Variants in PCDH15 observed in about 807,000 individuals in gnomAD.
The protein encoded by PCDH15 is protocadherin related 15.
In PCDH15, 129 loss-of-function variants were observed where a neutral mutation model predicts 178.5. The ratio of observed to expected loss-of-function variants is 0.72; its 90% CI spans 0.63 to 0.84. PCDH15 has a LOEUF of 0.84. Ranked by LOEUF, PCDH15 falls within the 40% of genes least tolerant of loss-of-function variation. PCDH15 has a pLI of 0.00. For missense variants in PCDH15, 2,230 were observed against 2,099.9 expected (o/e 1.06, Z -1.21); for synonymous variants, 800 against 732.0 (o/e 1.09, Z -1.50).
At position 54,023,040 on chromosome 10, in the gene PCDH15, T is replaced by C; in HGVS notation, c.2378A>G (p.Asp793Gly). The change falls in exon 19 of 38, where the codon GAT becomes GGT. Residue 793 changes from aspartate (D) to glycine (G), a missense_variant. By Grantham distance (94) the Asp-to-Gly change is moderately conservative. Transcript: ENST00000644397. ...TGAATGACGAGGGTGTACTGCTCCA[T>C]CTGTTGCCACAACAACAAGTTCATA... ...DYYELVVVAT[D>G]GAVHPRHSTL... The C allele has an allele frequency of 6.2e-7, 1 of 1,613,956 alleles. No individual in the cohort carries two copies. The highest frequency in any genetic ancestry group is 8.5e-7 in the Non-Finnish European group (1 of 1,179,892).
chr10:54,294,016 C>T (rs2059590402), intron 8 of PCDH15, among the ~76,000 whole-genome samples: 1 of 152,112 alleles, frequency 6.6e-6, no homozygotes, highest in Admixed American at 6.5e-5. Context: ...GACACATGCA[C>T]ACGTATGTTT....
chr10:55,504,717 G>C (rs1840725601), intron 2 of PCDH15, among the ~76,000 whole-genome samples: 1 of 150,976 alleles, frequency 6.6e-6, no homozygotes, highest in Admixed American at 6.6e-5. Flanking sequence ...ATTACATCAG[G>C]TAATATTTTC....
intron 3 of PCDH15, among the ~76,000 whole-genome samples, chr10:54,851,623 C>G (rs1272588439): frequency 6.6e-6 from 1 of 152,088 alleles, no homozygotes; most frequent in Non-Finnish European, 1.5e-5. Context: ...GAAATGGAGT[C>G]TCCCTTTGTC....
intron 26 of PCDH15, among the ~76,000 whole-genome samples, chr10:53,879,726 T>C (rs1026917120): frequency 3.9e-5 from 6 of 152,214 alleles, no homozygotes; most frequent in African/African-American, 1.4e-4. Flanking sequence ...TGCCTCAGCC[T>C]CTCGAGTACC....
intron 2 of PCDH15, among the ~76,000 whole-genome samples, chr10:55,057,219 T>C (rs1020617606): frequency 2.0e-5 from 3 of 152,160 alleles, no homozygotes; most frequent in Non-Finnish European, 4.4e-5. Context: ...TATCATTTGG[T>C]CTTTAATCTT....
intron 3 of PCDH15, among the ~76,000 whole-genome samples, chr10:54,486,801 G>C (rs1360314563): frequency 6.6e-6 from 1 of 151,844 alleles, no homozygotes; most frequent in African/African-American, 2.4e-5. Flanking sequence ...AGCATCTTTG[G>C]GGGAACAGGG....
intron 25 of PCDH15, among the ~76,000 whole-genome samples, chr10:53,928,047 T>C (rs2084721776): frequency 6.6e-6 from 1 of 152,046 alleles, no homozygotes; most frequent in Admixed American, 6.6e-5. Flanking sequence ...TCCTTGAGGT[T>C]AAGTGAAAAG....
chr10:54,334,696 C>CACACAG (rs1940675983), intron 6 of PCDH15, among the ~76,000 whole-genome samples: 1 of 148,548 alleles, frequency 6.7e-6, no homozygotes, highest in South Asian at 2.1e-4. Context: ...CACACACACA[C>CACACAG]ACACACACAC....
At chr10:54,316,527 TATACACACACACACACAC>T (rs1391841036) in intron 8 of PCDH15, among the ~76,000 whole-genome samples, 233 of 128,240 alleles carry the variant, frequency 1.8e-3, no homozygotes, top group African/African-American at 7.0e-3. Flanking sequence ...AGAATATGTG[TATACACACACACACACAC>T]ACACACACAC....
rs548826344 is a variant in PCDH15 at position 54,700,274 on chromosome 10, C to T, written c.-28-35984G>A. On this transcript the variant is annotated intron_variant, in intron 1 of 37. Coordinates refer to ENST00000644397, the MANE Select transcript of PCDH15 (RefSeq NM_001384140.1). ...ATCTGCCCACACAGATTAGAATGTA[C>T]CAGCATGAGAACTCTGGACGCTAAA... Among the ~76,000 whole-genome samples, 84 of 152,190 alleles carry T rather than the reference C, an allele frequency of 5.5e-4. No individual in the cohort carries two copies. In the South Asian group the frequency reaches 0.01, roughly 18 times the overall value.
chr10:55,187,015 T>C (rs532877273), intron 1 of PCDH15, among the ~76,000 whole-genome samples: 1 of 152,096 alleles, frequency 6.6e-6, no homozygotes, highest in African/African-American at 2.4e-5. Flanking sequence ...AATTAATGAA[T>C]AAATGCACTT....
chr10:54,480,072 C>T (rs2078601206), intron 3 of PCDH15, among the ~76,000 whole-genome samples: 1 of 152,098 alleles, frequency 6.6e-6, no homozygotes, highest in Non-Finnish European at 1.5e-5. Flanking sequence ...AACAAGTCTA[C>T]ACACCATTTG....
chr10:53,937,734 C>G (rs958962958), intron 25 of PCDH15, among the ~76,000 whole-genome samples: 6 of 152,126 alleles, frequency 3.9e-5, no homozygotes, highest in African/African-American at 9.7e-5. Context: ...CAAACTGATA[C>G]AGAAAATTCT....
chr10:54,461,735 C>G (rs1254199096), intron 3 of PCDH15, among the ~76,000 whole-genome samples: 2 of 152,028 alleles, frequency 1.3e-5, no homozygotes, highest in African/African-American at 4.8e-5. Context: ...TAAAACAGAA[C>G]CTCCTTCTTT....
intron 20 of PCDH15, among the ~76,000 whole-genome samples, chr10:54,008,345 G>A (rs2135119145): frequency 6.6e-6 from 1 of 152,196 alleles, no homozygotes; most frequent in South Asian, 2.1e-4. Flanking sequence ...TCTATCTGAG[G>A]AATAAATTAT....
chr10:54,158,307 G>T (rs1031704270), intron 13 of PCDH15, among the ~76,000 whole-genome samples: 3 of 152,150 alleles, frequency 2.0e-5, no homozygotes, highest in African/African-American at 7.2e-5. Flanking sequence ...GGCAGAAGGT[G>T]GTAGCAGATA....
chr10:55,354,735 G>A (rs557332515), intron 2 of PCDH15, among the ~76,000 whole-genome samples: 16 of 151,866 alleles, frequency 1.1e-4, no homozygotes, highest in Non-Finnish European at 2.1e-4. Flanking sequence ...TGGTGATTTT[G>A]TTTAATTTTA....
At chr10:53,825,065 C>G in intron 32 of PCDH15, 1 of 1,446,948 alleles carries the variant, frequency 6.9e-7, no homozygotes, top group Non-Finnish European at 9.1e-7. Flanking sequence ...TACAGTACAA[C>G]AGCATTTTAA....
At chr10:54,536,225 C>T (rs1159017052) in intron 2 of PCDH15, among the ~76,000 whole-genome samples, 2 of 152,166 alleles carry the variant, frequency 1.3e-5, no homozygotes, top group Non-Finnish European at 2.9e-5. Flanking sequence ...ATTAAATTTT[C>T]TGTAGCTCAG....
Sources: gnomAD v4.1 joint callset for allele counts (sites outside exome capture counted in the v4.1 genomes callset) on GRCh38, gnomAD v4.1.1 for gene constraint, MANE v1.5 for transcripts, NCBI Gene and HGNC (gene_info 2026-07-23, HGNC 2026-07-21) for gene names.